Variants in HM13 observed in about 807,000 individuals in gnomAD.
HM13 encodes the protein histocompatibility minor 13.
HM13 carries 18 observed loss-of-function variants against 50.0 expected under a neutral mutation model. The observed-to-expected ratio is 0.36, with a 90% CI of 0.25 to 0.53. The LOEUF is 0.53. Among genes scored for constraint, HM13 ranks in the 20% least tolerant of loss-of-function variants. The pLI, the probability that HM13 is intolerant of heterozygous loss-of-function variation, is 0.90. For missense variants in HM13, 393 were observed against 552.4 expected (o/e 0.71, Z 2.89); for synonymous variants, 197 against 232.6 (o/e 0.85, Z 1.39).
intron 7 of HM13, among the ~76,000 whole-genome samples, chr20:31,553,295 CAAA>C (rs571430209): frequency 8.8e-6 from 1 of 114,222 alleles, no homozygotes; most frequent in Non-Finnish European, 1.7e-5. Flanking sequence ...GACTCCATCT[CAAA>C]AAAAAAAAAA....
Position 31,514,573 on chromosome 20 carries a change from C to A in HM13, c.22C>A (p.Pro8Thr). The A allele has an allele frequency of 6.2e-7, 1 of 1,606,756 alleles. No individual in the cohort carries two copies. The highest frequency in any genetic ancestry group is 8.5e-7 in the Non-Finnish European group (1 of 1,178,078). ...CGCCATGGACTCGGCCCTCAGCGATCCGCATAACGGCAGTGCCGAGGCAGG... is the reference window on the plus strand; with the variant it reads ...CGCCATGGACTCGGCCCTCAGCGATACGCATAACGGCAGTGCCGAGGCAGG... Reference protein sequence around the residue: MDSALSDPHNGSAEAGGP... With the variant: MDSALSDTHNGSAEAGGP... The change falls in exon 1 of 13, where the codon CCG (proline) becomes ACG (threonine). Residue 8 changes from proline to threonine, a missense_variant. Pro to Thr is a conservative substitution (Grantham distance 38, BLOSUM62 -1). Coordinates refer to ENST00000398174, the MANE Select transcript of HM13 (RefSeq NM_178581.3). The surrounding 1 kb of genome is among the most constrained non-coding windows in gnomAD (Gnocchi z 4.3).
In HM13 at chr20:31,516,632, C is replaced by G. The variant is rs374474430; in HGVS notation, c.183+1898C>G. Among the ~76,000 whole-genome samples the G allele has an allele frequency of 4.6e-5, 7 of 152,174 alleles. No homozygotes were observed. The South Asian group carries it at 6.2e-4, about 14-fold the overall frequency. ...GAAACCAGGTAAGCAGAGAGAGGTA[C>G]GGAGGCAGGAGGCTACGAGGCAGTT... On this transcript the variant is annotated intron_variant, in intron 1 of 12. Coordinates refer to ENST00000398174, the MANE Select transcript of HM13 (RefSeq NM_178581.3).
At chr20:31,550,644 C>T (rs1210655516) in intron 7 of HM13, among the ~76,000 whole-genome samples, 2 of 152,194 alleles carry the variant, frequency 1.3e-5, no homozygotes, top group Non-Finnish European at 2.9e-5. Flanking sequence ...TGACATGACA[C>T]CACAAGTGGA....
In HM13 at chr20:31,550,048, T is replaced by G. The variant is rs767961866; in HGVS notation, c.667-16T>G. 5.0e-6 allele frequency: 8 copies of G among 1,610,312 alleles called. No homozygotes were observed. Among genetic ancestry groups the G allele is most frequent in the Non-Finnish European group, 6.8e-6 (8 of 1,176,672 alleles). On this transcript the variant is annotated splice_polypyrimidine_tract_variant and intron_variant, in intron 6 of 12. Transcript: ENST00000398174. ...CCCTCACTTCCCTTCATACTGCTCTTTTTTTCTCCTTCTAGGTATTTGGCA... is the reference window on the plus strand; with the variant it reads ...CCCTCACTTCCCTTCATACTGCTCTGTTTTTCTCCTTCTAGGTATTTGGCA...
chr20:31,518,072 G>A (rs529447210), intron 1 of HM13, among the ~76,000 whole-genome samples: 1 of 140,912 alleles, frequency 7.1e-6, no homozygotes, highest in East Asian at 2.1e-4. Flanking sequence ...TTTCACTCTT[G>A]TTGCCCGGGC....
At chr20:31,538,107 C>A in intron 2 of HM13, 72 bp from the exon 3 acceptor site, 2 of 1,577,894 alleles carry the variant, frequency 1.3e-6, no homozygotes, top group Non-Finnish European at 1.7e-6. Context: ...CCAGAAGAGA[C>A]GCAGGGACTC....
intron 7 of HM13, among the ~76,000 whole-genome samples, chr20:31,554,181 TACA>T (rs1180726048): frequency 6.6e-6 from 1 of 151,910 alleles, no homozygotes; most frequent in African/African-American, 2.4e-5. Context: ...GTGAGTTTCA[TACA>T]ACAAGAATGG....
At chr20:31,565,337 G>A (rs566077104) in intron 10 of HM13, among the ~76,000 whole-genome samples, 1 of 151,842 alleles carries the variant, frequency 6.6e-6, no homozygotes, top group Admixed American at 6.6e-5. Context: ...AAATTAGCCA[G>A]GCGTGGTGGC....
chr20:31,548,139 A>G (rs572061585), intron 4 of HM13: 62 of 865,958 alleles, frequency 7.2e-5, no homozygotes, highest in East Asian at 4.1e-4. Flanking sequence ...CGTGAATACA[A>G]TGCCTCTGTG....
At position 31,561,651 on chromosome 20, in the gene HM13, A is replaced by G; in HGVS notation, c.863A>G (p.His288Arg). Residue 288 changes from histidine to arginine, a missense_variant, in exon 10 of 13, where the codon CAC (histidine) becomes CGC (arginine). Physicochemically the swap from His to Arg is conservative, Grantham distance 29 (BLOSUM62 0). This residue lies in a region of HM13 where 74 missense variants were observed against 160.4 expected (regional missense o/e 0.46). Transcript: ENST00000398174. The part of the protein sequence containing the change: ...RFDISLKKNT[H>R]TYFYTSFAAY... Reference sequence around the variant, plus strand: ...CCCTGCAGCTTGAAGAAGAATACCCACACCTACTTCTACACCAGCTTTGCA... The same window carrying G: ...CCCTGCAGCTTGAAGAAGAATACCCGCACCTACTTCTACACCAGCTTTGCA... The G allele has an allele frequency of 1.2e-6, 2 of 1,612,456 alleles. No individual in the cohort carries two copies. Among genetic ancestry groups the G allele is most frequent in the Non-Finnish European group, 1.7e-6 (2 of 1,178,700 alleles).
intron 7 of HM13, among the ~76,000 whole-genome samples, chr20:31,553,990 A>G (rs1415669569): frequency 6.6e-6 from 1 of 152,122 alleles, no homozygotes; most frequent in African/African-American, 2.4e-5. Flanking sequence ...AAAGGGTTCA[A>G]TAGCTATAAA....
At chr20:31,568,871 C>T (rs540190039) in intron 12 of HM13, among the ~76,000 whole-genome samples, 1 of 152,336 alleles carries the variant, frequency 6.6e-6, no homozygotes, top group East Asian at 1.9e-4. Flanking sequence ...ACCTCTCTTC[C>T]ATTGGCTGCT....
At chr20:31,538,943 C>G (rs1219961407) in intron 3 of HM13, 1 of 457,168 alleles carries the variant, frequency 2.2e-6, no homozygotes, top group African/African-American at 2.1e-5. Context: ...CTTTTGCTTT[C>G]ACACCTGTAT....
At chr20:31,544,021 G>C (rs1983587916) in intron 3 of HM13, among the ~76,000 whole-genome samples, 1 of 152,100 alleles carries the variant, frequency 6.6e-6, no homozygotes, top group South Asian at 2.1e-4. Context: ...AAGACTCCAT[G>C]CCAGGCAAAG....
intron 3 of HM13, chr20:31,540,517 A>C (rs1983384089): frequency 6.6e-6 from 1 of 152,146 alleles, no homozygotes; most frequent in African/African-American, 2.4e-5. Flanking sequence ...CTGTGTGCTG[A>C]GGAACTGATT....
intron 8 of HM13, among the ~76,000 whole-genome samples, chr20:31,556,524 G>A (rs1051175227): frequency 6.6e-6 from 1 of 152,164 alleles, no homozygotes; most frequent in Non-Finnish European, 1.5e-5. Flanking sequence ...TGTTTTACCA[G>A]TGAGGAAACT....
intron 8 of HM13, among the ~76,000 whole-genome samples, chr20:31,556,344 C>T (rs1305131391): frequency 6.6e-6 from 1 of 151,898 alleles, no homozygotes; most frequent in Non-Finnish European, 1.5e-5. Flanking sequence ...TGGCCGACCC[C>T]GTCTATATTT....
At chr20:31,538,911 C>T in intron 3 of HM13, 1 of 248,320 alleles carries the variant, frequency 4.0e-6, no homozygotes, top group Non-Finnish European at 6.4e-6. Context: ...TGTTAACCTG[C>T]CAGACAACCT....
chr20:31,569,192 G>C lies in HM13; in HGVS notation c.1254G>C (p.Ser418=). 6.3e-7 allele frequency: 1 copy of C among 1,598,984 alleles called. No individual in the cohort carries two copies. The highest frequency in any genetic ancestry group is 8.5e-7 in the Non-Finnish European group (1 of 1,172,178). Residue 418 remains serine, a synonymous_variant, in exon 13 of 13, where the codon TCG becomes TCC. Transcript: ENST00000398174. ...AAGAGGGAACAGAGGCATCAGCATC[G>C]AAGGGGCTGGAGAAGAAAGAGAAAT... ...ESKEGTEASA[S]KGLEKKEK
Sources: gnomAD v4.1 joint callset for allele counts (sites outside exome capture counted in the v4.1 genomes callset) on GRCh38, gnomAD v4.1.1 for gene constraint, gnomAD v4.1.1 regional missense constraint, Gnocchi (gnomAD v3.1) non-coding constraint, MANE v1.5 for transcripts, NCBI Gene and HGNC (gene_info 2026-07-23, HGNC 2026-07-21) for gene names.